The following CCDC149 variants were observed in gnomAD, a reference collection of about 807,000 sequenced individuals.
CCDC149 encodes the protein coiled-coil domain-containing protein 149.
CCDC149 carries 45 observed loss-of-function variants against 59.9 expected under a neutral mutation model. That is an observed-to-expected ratio of 0.75 (90% CI 0.59 to 0.96). The LOEUF is 0.96. Ranked by LOEUF, CCDC149 falls within the 40% of genes least tolerant of loss-of-function variation. CCDC149 has a pLI of 0.00. For synonymous variants in CCDC149, 245 were observed against 260.6 expected, an observed-to-expected ratio of 0.94 and a Z score of 0.58; for missense variants, 584 against 664.7, an observed-to-expected ratio of 0.88 and a Z score of 1.33.
At chr4:24,940,798 A>G (rs1266387155) in intron 1 of CCDC149, among the ~76,000 whole-genome samples, 1 of 152,158 alleles carries the variant, frequency 6.6e-6, no homozygotes, top group Non-Finnish European at 1.5e-5. Flanking sequence ...AGAGACAAAG[A>G]AGGCCATGAC....
At chr4:24,891,010 C>G (rs1720493596) in intron 1 of CCDC149, among the ~76,000 whole-genome samples, 1 of 152,232 alleles carries the variant, frequency 6.6e-6, no homozygotes, top group Non-Finnish European at 1.5e-5. Context: ...TGCAGGCCTC[C>G]CCAGCCGAGC....
intron 12 of CCDC149, among the ~76,000 whole-genome samples, chr4:24,812,770 A>G (rs1714711559): frequency 6.6e-6 from 1 of 152,246 alleles, no homozygotes; most frequent in Admixed American, 6.5e-5. Flanking sequence ...GCAAAGGAAC[A>G]TCTTATATGG....
chr4:24,893,727 C>G (rs1281502670), intron 1 of CCDC149, among the ~76,000 whole-genome samples: 2 of 139,622 alleles, frequency 1.4e-5, no homozygotes, highest in Admixed American at 1.6e-4. Flanking sequence ...AGCAATTCTC[C>G]TGCCTCAGCC....
intron 9 of CCDC149, among the ~76,000 whole-genome samples, chr4:24,824,790 C>T (rs1240114395): frequency 6.6e-6 from 1 of 152,224 alleles, no homozygotes; most frequent in South Asian, 2.1e-4. Context: ...GAAGCACATG[C>T]TCTTAACCAA....
At chr4:24,847,190 T>C (rs761729626) in intron 4 of CCDC149, among the ~76,000 whole-genome samples, 6 of 152,174 alleles carry the variant, frequency 3.9e-5, no homozygotes, top group Admixed American at 6.5e-5. Context: ...AGCTGATCAA[T>C]AGAGAGGAAG....
chr4:24,810,141 C>A (rs1714502622), intron 12 of CCDC149, among the ~76,000 whole-genome samples: 1 of 152,184 alleles, frequency 6.6e-6, no homozygotes, highest in African/African-American at 2.4e-5. Context: ...TAAATCCTCC[C>A]AGCTAACGCT....
At chr4:24,830,736 A>T (rs533766080) in intron 9 of CCDC149, 1 of 152,350 alleles carries the variant, frequency 6.6e-6, no homozygotes, top group East Asian at 1.9e-4. Flanking sequence ...GGTCCAGTGC[A>T]AAATAAAAAT....
intron 4 of CCDC149, among the ~76,000 whole-genome samples, chr4:24,850,793 T>G (rs1392172688): frequency 6.6e-6 from 1 of 152,176 alleles, no homozygotes; most frequent in Non-Finnish European, 1.5e-5. Context: ...GAACGGGGGC[T>G]TCTGAGGTTC....
At position 24,853,146 on chromosome 4, in the gene CCDC149, C is replaced by T. The variant is rs1401812545; in HGVS notation, c.298G>A (p.Asp100Asn). The T allele has an allele frequency of 6.2e-7, 1 of 1,613,490 alleles. No homozygotes were observed. Among genetic ancestry groups the T allele is most frequent in the South Asian group, 1.1e-5 (1 of 91,068 alleles). Reference sequence around the variant, plus strand: ...TCTTCTCCCAGATGTTTATTTCGGTCCTGAGAATCTCTCAATAGTTGTGCA... The same window carrying T: ...TCTTCTCCCAGATGTTTATTTCGGTTCTGAGAATCTCTCAATAGTTGTGCA... The change falls in exon 4 of 13, where the codon GAC becomes AAC. Residue 100 changes from aspartate (D) to asparagine (N), a missense_variant. Coordinates refer to ENST00000635206, the MANE Select transcript of CCDC149 (RefSeq NM_001330643.2).
At chr4:24,960,163 C>T (rs1228375671) in intron 1 of CCDC149, among the ~76,000 whole-genome samples, 16 of 152,074 alleles carry the variant, frequency 1.1e-4, no homozygotes, top group Non-Finnish European at 2.4e-4. Flanking sequence ...TCTTGCTATA[C>T]GTAAGGTGAT....
chr4:24,803,933 T>C (rs1026337029), downstream of CCDC149, among the ~76,000 whole-genome samples: 4 of 152,228 alleles, frequency 2.6e-5, no homozygotes, highest in African/African-American at 9.6e-5. The surrounding 1 kb of genome is among the most constrained non-coding windows in gnomAD (Gnocchi z 4.3). Context: ...GAGACGGGTC[T>C]TTCCTATTTT....
At position 24,932,141 on chromosome 4, in the gene CCDC149, C is replaced by T. The variant is rs114124434; in HGVS notation, c.-64-37023G>A. Among the ~76,000 whole-genome samples the T allele has an allele frequency of 3.4e-3, 520 of 152,052 alleles. 2 individuals are homozygous for T. The highest frequency in any genetic ancestry group is 0.012 in the African/African-American group (504 of 41,478). ...ATATTGTGGCTTCTATTTTTAACTT[C>T]CTTGTTAGCAAAGACTAAAATATAA... On this transcript the variant is annotated intron_variant, in intron 1 of 12. Transcript: ENST00000389609.
chr4:24,970,140 C>T (rs1389666010), intron 1 of CCDC149, among the ~76,000 whole-genome samples: 1 of 152,202 alleles, frequency 6.6e-6, no homozygotes, highest in Non-Finnish European at 1.5e-5. Flanking sequence ...GAGGGACGTG[C>T]TTTACCTCCA....
intron 1 of CCDC149, among the ~76,000 whole-genome samples, chr4:24,932,758 C>G (rs922564872): frequency 7.2e-5 from 11 of 152,094 alleles, no homozygotes; most frequent in Non-Finnish European, 1.3e-4. Flanking sequence ...GGCAGAATAC[C>G]TGAAAACACC....
At chr4:24,973,031 T>A (rs1724027263) in intron 1 of CCDC149, among the ~76,000 whole-genome samples, 1 of 152,214 alleles carries the variant, frequency 6.6e-6, no homozygotes, top group Admixed American at 6.5e-5. Flanking sequence ...ACCCCTCATC[T>A]TGACCTAGAC....
intron 1 of CCDC149, among the ~76,000 whole-genome samples, chr4:24,898,012 C>T (rs143523436): frequency 5.3e-5 from 8 of 152,340 alleles, no homozygotes; most frequent in East Asian, 1.9e-4. Flanking sequence ...TCCCTGCCAC[C>T]TCCAATACTG....
At chr4:24,950,716 T>C (rs1331096956) in intron 1 of CCDC149, among the ~76,000 whole-genome samples, 1 of 152,240 alleles carries the variant, frequency 6.6e-6, no homozygotes, top group Non-Finnish European at 1.5e-5. Context: ...AGTTCCTTTA[T>C]TTTTCATTTA....
chr4:24,973,395 T>G (rs568059122), intron 1 of CCDC149, among the ~76,000 whole-genome samples: 7 of 152,352 alleles, frequency 4.6e-5, no homozygotes, highest in African/African-American at 1.7e-4. Flanking sequence ...TGTACACATA[T>G]GTCAAAACTT....
intron 1 of CCDC149, among the ~76,000 whole-genome samples, chr4:24,890,075 T>C (rs1454929209): frequency 6.6e-6 from 1 of 152,114 alleles, no homozygotes; most frequent in Non-Finnish European, 1.5e-5. Context: ...CAGGAAAGCA[T>C]CATTAATAGA....
Sources: gnomAD v4.1 joint callset for allele counts (sites outside exome capture counted in the v4.1 genomes callset) on GRCh38, gnomAD v4.1.1 for gene constraint, Gnocchi (gnomAD v3.1) non-coding constraint, MANE v1.5 for transcripts, NCBI Gene and HGNC (gene_info 2026-07-23, HGNC 2026-07-21) for gene names.